Variants in CA10 observed in about 807,000 individuals in gnomAD.
The protein encoded by CA10 is carbonic anhydrase 10 (inactive), also known as carbonic anhydrase-related protein 10.
In CA10, 14 loss-of-function variants were observed where a neutral mutation model predicts 44.2. That is an observed-to-expected ratio of 0.32 (90% confidence interval 0.21 to 0.50). The LOEUF is 0.50. Among genes scored for constraint, CA10 ranks in the 20% least tolerant of loss-of-function variants. The probability of loss-of-function intolerance (pLI) is 0.99; values close to 1 mark genes in which losing one functional copy is unlikely to be tolerated. For synonymous variants in CA10, 159 were observed against 141.6 expected, an observed-to-expected ratio of 1.12 and a Z score of -0.87; for missense variants, 350 against 409.7, an observed-to-expected ratio of 0.85 and a Z score of 1.26.
intron 1 of CA10, among the ~76,000 whole-genome samples, chr17:52,084,950 C>T (rs1344797514): frequency 6.6e-6 from 1 of 152,128 alleles, no homozygotes; most frequent in Non-Finnish European, 1.5e-5. Context: ...TCCAGCAAGC[C>T]GGGATGTGGA....
At chr17:52,108,194 TTATATATATATATATATA>T (rs71149392) in intron 1 of CA10, among the ~76,000 whole-genome samples, 13 of 58,002 alleles carry the variant, frequency 2.2e-4, no homozygotes, top group African/African-American at 1.9e-3. Flanking sequence ...TATATATTTT[TTATATATATATATATATA>T]TATATATATA....
At chr17:51,851,505 A>G (rs1978792692) in intron 3 of CA10, among the ~76,000 whole-genome samples, 1 of 152,248 alleles carries the variant, frequency 6.6e-6, no homozygotes, top group Non-Finnish European at 1.5e-5. Flanking sequence ...TAATTAATAC[A>G]TGTAAAGCAT....
At chr17:52,041,539 G>C (rs575975316) in intron 2 of CA10, among the ~76,000 whole-genome samples, 1 of 152,182 alleles carries the variant, frequency 6.6e-6, no homozygotes, top group Admixed American at 6.5e-5. Context: ...CCACCAAATT[G>C]ATAAACACAT....
intron 3 of CA10, among the ~76,000 whole-genome samples, chr17:51,807,408 A>C (rs890939391): frequency 2.0e-5 from 3 of 152,230 alleles, no homozygotes; most frequent in Non-Finnish European, 4.4e-5. Context: ...ATTTAGAACC[A>C]GTGACATGAA....
At chr17:51,737,277 C>T (rs1342956548) in intron 4 of CA10, among the ~76,000 whole-genome samples, 1 of 152,104 alleles carries the variant, frequency 6.6e-6, no homozygotes, top group African/African-American at 2.4e-5. Context: ...ATTGTGAGGA[C>T]TGGGTGTGAT....
At chr17:51,849,321 C>G (rs1978685602) in intron 3 of CA10, among the ~76,000 whole-genome samples, 1 of 146,602 alleles carries the variant, frequency 6.8e-6, no homozygotes, top group Non-Finnish European at 1.5e-5. Flanking sequence ...AGCTCACATG[C>G]ATCACCTACC....
intron 2 of CA10, among the ~76,000 whole-genome samples, chr17:52,054,250 A>T: frequency 7.4e-6 from 1 of 135,816 alleles, no homozygotes; most frequent in Middle Eastern, 3.5e-3. Flanking sequence ...TGAAATGGCC[A>T]CTTTGGGGAC....
intron 2 of CA10, among the ~76,000 whole-genome samples, chr17:51,950,987 A>G (rs988924277): frequency 5.9e-5 from 9 of 152,268 alleles, no homozygotes; most frequent in South Asian, 2.1e-4. Context: ...CTAGGTCCCA[A>G]TGGATTGTCT....
intron 2 of CA10, among the ~76,000 whole-genome samples, chr17:51,943,164 T>C (rs141206057): frequency 4.2e-4 from 64 of 152,334 alleles, no homozygotes; most frequent in African/African-American, 1.4e-3. Context: ...TCAAATTCTA[T>C]ACCTCTTAGC....
At chr17:51,773,235 G>A (rs898711737) in intron 3 of CA10, among the ~76,000 whole-genome samples, 1 of 152,194 alleles carries the variant, frequency 6.6e-6, no homozygotes, top group Non-Finnish European at 1.5e-5. Flanking sequence ...AAGCCAGGTT[G>A]GAGTGATACA....
intron 3 of CA10, among the ~76,000 whole-genome samples, chr17:51,864,281 T>C (rs1350145436): frequency 2.0e-5 from 3 of 152,180 alleles, no homozygotes; most frequent in Non-Finnish European, 4.4e-5. Flanking sequence ...GGGATAATGA[T>C]TATGCACCCT....
chr17:51,868,913 T>C (rs1979679212), intron 3 of CA10, among the ~76,000 whole-genome samples: 1 of 151,404 alleles, frequency 6.6e-6, no homozygotes, highest in South Asian at 2.1e-4. Flanking sequence ...TTACAAAAGA[T>C]GTTATAAAAG....
intron 4 of CA10, among the ~76,000 whole-genome samples, chr17:51,716,108 T>C (rs1416063073): frequency 6.6e-6 from 1 of 152,192 alleles, no homozygotes; most frequent in East Asian, 1.9e-4. Flanking sequence ...TTCAGAATTT[T>C]GTGTTTGTTT....
intron 3 of CA10, among the ~76,000 whole-genome samples, chr17:51,811,187 C>T (rs1907350517): frequency 9.7e-6 from 1 of 103,106 alleles, no homozygotes; most frequent in Non-Finnish European, 1.8e-5. Flanking sequence ...CAGACTCCAT[C>T]TCGAAAAAAA....
Position 51,694,320 on chromosome 17 carries a change from G to GT in CA10, c.466-40585dup, listed in dbSNP as rs370761518. Among the ~76,000 whole-genome samples the GT allele has an allele frequency of 3.3e-3, 509 of 152,070 alleles. 2 individuals carry two copies. Among genetic ancestry groups the GT allele is most frequent in the African/African-American group, 0.011 (440 of 41,486 alleles). On this transcript the variant is annotated intron_variant, in intron 4 of 8. Transcript: ENST00000451037. ...TCTCCACAGCTTGCCAGTATCTGTT[G>GT]TTTTTTGACTTTTTAATAATAGCCA...
At chr17:51,817,277 C>T (rs959795532) in intron 3 of CA10, among the ~76,000 whole-genome samples, 1 of 152,194 alleles carries the variant, frequency 6.6e-6, no homozygotes, top group East Asian at 1.9e-4. Flanking sequence ...CACTGGAATG[C>T]AGCCACACCC....
chr17:52,150,269 CCTT>C (rs1475020400), intron 1 of CA10, among the ~76,000 whole-genome samples: 1 of 152,176 alleles, frequency 6.6e-6, no homozygotes, highest in Non-Finnish European at 1.5e-5. Flanking sequence ...TACTTACTCT[CCTT>C]CTCTACCCCT....
rs60269292 is a variant in CA10, at chr17:51,754,285, AGTGTGTGTGTGTGTGT to A, written c.280-6483_280-6468del. ...TCAGGGTTCTCTAGAGAAACAGAAT[AGTGTGTGTGTGTGTGT>A]GTGTGTGTGTGTGTGTGTGTACATA... On this transcript the variant is annotated intron_variant, in intron 3 of 8. Transcript: ENST00000451037. Among the ~76,000 whole-genome samples, 27 of 140,904 alleles carry A rather than the reference AGTGTGTGTGTGTGTGT, an allele frequency of 1.9e-4. 1 individual carries two copies. Among genetic ancestry groups the A allele is most frequent in the South Asian group, 7.1e-4 (3 of 4,220 alleles). 92.4% of individuals were successfully genotyped at this position (140,904 alleles called of 152,430 possible). A position where few individuals can be genotyped will look rare whatever the true frequency, so the allele number is the denominator to read the frequency against.
At chr17:52,028,769 G>T (rs144602976) in intron 2 of CA10, among the ~76,000 whole-genome samples, 1 of 152,184 alleles carries the variant, frequency 6.6e-6, no homozygotes, top group Admixed American at 6.6e-5. Flanking sequence ...TAGACATACT[G>T]TCCACTTCTC....
Sources: allele counts gnomAD v4.1 joint callset (sites outside exome capture counted in the v4.1 genomes callset), GRCh38; gene constraint gnomAD v4.1.1; transcripts MANE v1.5; gene names NCBI Gene and HGNC (gene_info 2026-07-23, HGNC 2026-07-21).